PHF24: variants seen among roughly 807,000 people sequenced by gnomAD.
The protein encoded by PHF24 is PHD finger protein 24.
A neutral mutation model predicts 42.6 loss-of-function variants in PHF24; 25 were observed. That is an observed-to-expected ratio of 0.59 (90% confidence interval 0.43 to 0.82). PHF24 has a LOEUF of 0.82. Ranked by LOEUF, PHF24 falls within the 40% of genes least tolerant of loss-of-function variation. The pLI is 0.00. For missense variants in PHF24, 470 were observed against 538.1 expected, an observed-to-expected ratio of 0.87 and a Z score of 1.25; for synonymous variants, 185 against 204.8, an observed-to-expected ratio of 0.90 and a Z score of 0.83.
rs1587456155 is a variant in PHF24, at chr9:34,958,789, C to CG, written c.-5+389dup. 6.6e-6 allele frequency among the ~76,000 whole-genome samples: 1 copy of CG among 152,256 alleles called. No individual in the cohort carries two copies. The highest frequency in any genetic ancestry group is 1.9e-4 in the East Asian group (1 of 5,162). On this transcript the variant is annotated intron_variant, in intron 1 of 7. Coordinates refer to ENST00000242315, the Ensembl canonical transcript of PHF24. This position sits in a 1 kb window ranked among gnomAD's most constrained non-coding sequence, Gnocchi z 4.5. Reference sequence around the variant, plus strand: ...GAACATAGGGGAGCCGCAGGAACCTCGAGGTGGTGGAGCCCCCAGAGGGCT... The same window carrying CG: ...GAACATAGGGGAGCCGCAGGAACCTCGGAGGTGGTGGAGCCCCCAGAGGGCT...
chr9:34,933,187 G>A, the PHF24 span, among the ~76,000 whole-genome samples: 1 of 152,046 alleles, frequency 6.6e-6, no homozygotes, highest in Non-Finnish European at 1.5e-5. Context: ...ATAAGTAGTA[G>A]TCAATCAATA....
the PHF24 span, among the ~76,000 whole-genome samples, chr9:34,920,818 AG>A: frequency 6.6e-6 from 1 of 152,220 alleles, no homozygotes; most frequent in Non-Finnish European, 1.5e-5. Flanking sequence ...GTTAGCATAT[AG>A]AAATGCTACT....
At chr9:34,793,827 G>C in the PHF24 span, among the ~76,000 whole-genome samples, 1 of 150,818 alleles carries the variant, frequency 6.6e-6, no homozygotes, top group South Asian at 2.1e-4. Context: ...GATTTTGGAA[G>C]AGGCAGCAAC....
chr9:34,969,468 C>T (rs567440359), intron 1 of PHF24, among the ~76,000 whole-genome samples: 7 of 151,960 alleles, frequency 4.6e-5, no homozygotes, highest in African/African-American at 1.4e-4. Flanking sequence ...GGTGAAACCC[C>T]GTCTCTACTA....
At chr9:34,817,058 A>G in the PHF24 span, among the ~76,000 whole-genome samples, 1 of 152,366 alleles carries the variant, frequency 6.6e-6, no homozygotes, top group East Asian at 1.9e-4. Flanking sequence ...GAAAGTCATT[A>G]TTAGGATTGT....
chr9:34,758,558 C>G, the PHF24 span, among the ~76,000 whole-genome samples: 1 of 152,112 alleles, frequency 6.6e-6, no homozygotes, highest in Non-Finnish European at 1.5e-5. The surrounding 1 kb of genome is among the most constrained non-coding windows in gnomAD (Gnocchi z 4.4). Flanking sequence ...ATTCAGCAAC[C>G]CTTGTGGGCT....
At chr9:34,723,158 A>G in the PHF24 span, 2 of 1,478,062 alleles carry the variant, frequency 1.4e-6, no homozygotes, top group African/African-American at 1.4e-5. Flanking sequence ...TGGGGAGCCT[A>G]TAAACTCTTT....
At chr9:34,712,515 T>C in the PHF24 span, among the ~76,000 whole-genome samples, 36 of 152,004 alleles carry the variant, frequency 2.4e-4, no homozygotes, top group South Asian at 4.2e-4. Flanking sequence ...ATACTGATCC[T>C]TTTTTTTCTG....
the PHF24 span, among the ~76,000 whole-genome samples, chr9:34,669,694 C>G: frequency 2.0e-5 from 3 of 152,160 alleles, no homozygotes; most frequent in South Asian, 6.2e-4. Flanking sequence ...CTTTCATTTT[C>G]TACGTTCAGA....
At chr9:34,918,562 T>C in the PHF24 span, among the ~76,000 whole-genome samples, 1 of 152,196 alleles carries the variant, frequency 6.6e-6, no homozygotes, top group African/African-American at 2.4e-5. Flanking sequence ...CCTGTATATC[T>C]TAAGATATTA....
the PHF24 span, among the ~76,000 whole-genome samples, chr9:34,757,319 T>G: frequency 6.6e-6 from 1 of 152,178 alleles, no homozygotes; most frequent in South Asian, 2.1e-4. Context: ...TGATTTCTTT[T>G]TCAGCTAGTT....
At chr9:34,946,945 GA>G in the PHF24 span, among the ~76,000 whole-genome samples, 1 of 152,256 alleles carries the variant, frequency 6.6e-6, no homozygotes, top group Non-Finnish European at 1.5e-5. Context: ...TGGTTCAGTT[GA>G]GAGGGTAGAA....
upstream of PHF24, chr9:34,957,662 T>C (rs1205686760): frequency 3.9e-5 from 6 of 152,370 alleles, no homozygotes; most frequent in East Asian, 5.8e-4. Context: ...TGAAGGTTCG[T>C]TGGGACCCTC....
chr9:34,949,320 T>C, the PHF24 span, among the ~76,000 whole-genome samples: 27,273 of 151,840 alleles, frequency 0.18, 2,938 homozygotes, highest in East Asian at 0.53. Flanking sequence ...GCCAGTTAGA[T>C]TGGTGATCTT....
the PHF24 span, among the ~76,000 whole-genome samples, chr9:34,872,342 G>A: frequency 7.3e-6 from 1 of 137,698 alleles, no homozygotes; most frequent in Non-Finnish European, 1.6e-5. Context: ...ATCTCCCAAT[G>A]CTATCCCTCC....
At chr9:34,760,303 G>A in the PHF24 span, among the ~76,000 whole-genome samples, 1 of 152,156 alleles carries the variant, frequency 6.6e-6, no homozygotes, top group Non-Finnish European at 1.5e-5. Flanking sequence ...GAGTCCTATC[G>A]CCTTGTAAAG....
chr9:34,674,194 A>G, the PHF24 span, among the ~76,000 whole-genome samples: 1 of 152,270 alleles, frequency 6.6e-6, no homozygotes, highest in Non-Finnish European at 1.5e-5. Flanking sequence ...ACTAAGACCC[A>G]GAAAGGTTAA....
At chr9:34,977,430 G>A in intron 6 of PHF24, 116 bp from the exon 7 acceptor site, 1 of 1,252,522 alleles carries the variant, frequency 8.0e-7, no homozygotes, top group Non-Finnish European at 1.1e-6. Flanking sequence ...ACTCGGTGTT[G>A]CCACATGTCA....
chr9:34,682,438 G>A, the PHF24 span, among the ~76,000 whole-genome samples: 7 of 151,664 alleles, frequency 4.6e-5, no homozygotes, highest in East Asian at 1.9e-4. Context: ...TCTGTCTTTC[G>A]GGGGGGTGAA....
Sources: allele counts gnomAD v4.1 joint callset (sites outside exome capture counted in the v4.1 genomes callset), GRCh38; gene constraint gnomAD v4.1.1; non-coding constraint Gnocchi (gnomAD v3.1); transcripts MANE v1.5; gene names NCBI Gene and HGNC (gene_info 2026-07-23, HGNC 2026-07-21).